The following CNTLN variants were observed in gnomAD, a reference collection of about 807,000 sequenced individuals.
CNTLN encodes centlein.
In CNTLN, 212 loss-of-function variants were observed where a neutral mutation model predicts 180.0. That is an observed-to-expected ratio of 1.18 (90% CI 1.05 to 1.32). The LOEUF is 1.32. Ranked by LOEUF, CNTLN falls within the 40% of genes most tolerant of loss-of-function variation. The probability of loss-of-function intolerance (pLI) is 0.00; values close to 1 mark genes in which losing one functional copy is unlikely to be tolerated. For synonymous variants in CNTLN, 722 were observed against 563.1 expected (o/e 1.28, Z -3.99); for missense variants, 2,095 against 1,610.9 (o/e 1.30, Z -5.14).
rs765758040 is a variant in CNTLN at position 17,135,423 on chromosome 9, C to A, written c.358C>A (p.Gln120Lys). 5 of 1,594,876 alleles carry A rather than the reference C, an allele frequency of 3.1e-6. No individual in the cohort carries two copies. Among genetic ancestry groups the A allele is most frequent in the Non-Finnish European group, 1.7e-6 (2 of 1,172,106 alleles). The change falls in exon 1 of 26, where the codon CAG (glutamine) becomes AAG (lysine). Residue 120 changes from glutamine to lysine, a missense_variant and splice_region_variant. Transcript: ENST00000380647. ...CCTAAAGGAGGAGTTGGCCCTGTGT[C>A]AGGTATCGAGGAGTCTCGCAGTCCC... is the stretch of plus-strand genomic sequence containing the variant. ...SSLKEELALC[Q>K]ADKEFVWSLW...
Position 17,309,246 on chromosome 9 carries a change from A to G in CNTLN, c.1335A>G (p.Ser445=), listed in dbSNP as rs1305990702. The change falls in exon 8 of 26, where the codon TCA becomes TCG. Residue 445 remains serine, a synonymous_variant. Coordinates refer to ENST00000380647, the MANE Select transcript of CNTLN (RefSeq NM_017738.4). ...CTCAAGAAAGTGATCCAGACTACTC[A>G]GCACAGGTGAGAGACATTTTCTAAA... ...PLPQESDPDY[S]AQVPHRPSLS... The G allele has an allele frequency of 1.3e-6, 2 of 1,561,874 alleles. No homozygotes were observed. Among genetic ancestry groups the G allele is most frequent in the African/African-American group, 1.4e-5 (1 of 73,022 alleles).
At chr9:17,522,429 C>G in the CNTLN span, among the ~76,000 whole-genome samples, 2 of 152,202 alleles carry the variant, frequency 1.3e-5, no homozygotes, top group African/African-American at 4.8e-5. Context: ...TCAGGACTTT[C>G]AAACCCTTTA....
At chr9:17,174,567 G>C (rs1489851300) in intron 2 of CNTLN, among the ~76,000 whole-genome samples, 1 of 152,076 alleles carries the variant, frequency 6.6e-6, no homozygotes, top group East Asian at 1.9e-4. Flanking sequence ...GTGGTGGTGG[G>C]TGCCTGTAGT....
At chr9:17,287,890 TTC>T (rs1224994998) in intron 6 of CNTLN, among the ~76,000 whole-genome samples, 1 of 146,548 alleles carries the variant, frequency 6.8e-6, no homozygotes, top group Non-Finnish European at 1.5e-5. Flanking sequence ...TATTTGATTC[TTC>T]TCTCTTTTTT....
chr9:17,328,583 C>A (rs1322498139), intron 8 of CNTLN, among the ~76,000 whole-genome samples: 5 of 152,216 alleles, frequency 3.3e-5, no homozygotes, highest in African/African-American at 1.2e-4. Context: ...TTCTTGTAAA[C>A]ATGTCTGTAA....
intron 2 of CNTLN, among the ~76,000 whole-genome samples, chr9:17,189,711 T>A (rs543950622): frequency 9.2e-5 from 14 of 151,864 alleles, no homozygotes; most frequent in Non-Finnish European, 2.1e-4. Flanking sequence ...GGTCTCGAAC[T>A]CCTAACCGCA....
rs975343767 is a variant in CNTLN, at chr9:17,416,154, G to A, written c.3079G>A (p.Asp1027Asn). 9.9e-6 allele frequency: 16 copies of A among 1,613,286 alleles called. No homozygotes were observed. Among genetic ancestry groups the A allele is most frequent in the South Asian group, 1.1e-5 (1 of 90,942 alleles). The change falls in exon 18 of 26, where the codon GAT (aspartate) becomes AAT (asparagine). Residue 1027 changes from aspartate to asparagine, a missense_variant. Transcript: ENST00000380647. ...EKLLHQQQVS[D>N]QRFQTSRQTI... ...GCTCCTCCATCAACAGCAAGTATCC[G>A]ATCAACGATTTCAGACAAGCAGGCA... is the stretch of plus-strand genomic sequence containing the variant.
chr9:17,299,639 C>G (rs951828333), intron 7 of CNTLN: 17 of 985,380 alleles, frequency 1.7e-5, no homozygotes, highest in Non-Finnish European at 2.0e-5. Context: ...TCCACTTCAG[C>G]TAGAGCAGTG....
chr9:17,340,697 T>C lies in CNTLN; in HGVS notation c.1645-130T>C, dbSNP rs150918461. 4.7e-4 allele frequency: 311 copies of C among 657,608 alleles called. 2 individuals carry two copies. In the African/African-American group the frequency reaches 5.5e-3, roughly 12 times the overall value. The allele number at this position is 657,608 out of a possible 1,614,324, so 40.7% of individuals were successfully genotyped here. ...ATTCTTTTTTCTGCTTAAATACATA[T>C]TACAGATTCATTTATGTTTACACAC... is the stretch of plus-strand genomic sequence containing the variant. On this transcript the variant is annotated intron_variant, in intron 10 of 25. Coordinates refer to ENST00000380647, the MANE Select transcript of CNTLN (RefSeq NM_017738.4).
chr9:17,528,535 C>T, the CNTLN span, among the ~76,000 whole-genome samples: 2 of 152,196 alleles, frequency 1.3e-5, no homozygotes, highest in African/African-American at 4.8e-5. Context: ...ATGACAACTA[C>T]ATGTAATATG....
intron 18 of CNTLN, among the ~76,000 whole-genome samples, chr9:17,435,567 T>A (rs1323701849): frequency 2.0e-5 from 3 of 151,886 alleles, no homozygotes; most frequent in Admixed American, 6.6e-5. Flanking sequence ...CTCTTTTTTT[T>A]TTTTTTCTTT....
the CNTLN span, among the ~76,000 whole-genome samples, chr9:17,526,060 T>A: frequency 4.6e-5 from 7 of 152,200 alleles, no homozygotes; most frequent in East Asian, 1.4e-3. Context: ...CTCAGCCTCC[T>A]GAGTAGCTGA....
intron 1 of CNTLN, among the ~76,000 whole-genome samples, chr9:17,135,797 G>A (rs563148124): frequency 6.6e-6 from 1 of 152,340 alleles, no homozygotes; most frequent in South Asian, 2.1e-4. Flanking sequence ...TAGTTGAAAT[G>A]AACAGGAAAG....
chr9:17,433,537 C>T (rs571966613), intron 18 of CNTLN, among the ~76,000 whole-genome samples: 26 of 152,204 alleles, frequency 1.7e-4, no homozygotes, highest in Middle Eastern at 3.4e-3. Context: ...CCACCCACCT[C>T]GGCCTCCCAA....
chr9:17,375,519 C>T (rs1450719722), intron 13 of CNTLN, among the ~76,000 whole-genome samples: 1 of 152,062 alleles, frequency 6.6e-6, no homozygotes, highest in African/African-American at 2.4e-5. Flanking sequence ...ACTGTGTACC[C>T]ACACACAAAA....
At chr9:17,382,979 C>T (rs926090044) in intron 13 of CNTLN, among the ~76,000 whole-genome samples, 2 of 152,162 alleles carry the variant, frequency 1.3e-5, no homozygotes, top group Non-Finnish European at 2.9e-5. Flanking sequence ...CCAGTGTACA[C>T]AGTACTATAT....
intron 6 of CNTLN, among the ~76,000 whole-genome samples, chr9:17,278,609 C>G (rs34502029): frequency 2.3e-4 from 35 of 151,848 alleles, no homozygotes; most frequent in Non-Finnish European, 4.1e-4. Context: ...TTTTCTTTTA[C>G]TGCATATAGT....
intron 2 of CNTLN, among the ~76,000 whole-genome samples, chr9:17,154,719 A>G (rs993760294): frequency 3.3e-5 from 5 of 152,196 alleles, no homozygotes; most frequent in Admixed American, 2.0e-4. Context: ...AAATGCACCA[A>G]TCAGCACTCT....
intron 2 of CNTLN, among the ~76,000 whole-genome samples, chr9:17,206,327 A>T (rs1270688297): frequency 6.6e-6 from 1 of 152,198 alleles, no homozygotes; most frequent in African/African-American, 2.4e-5. Flanking sequence ...ATGTAGAAAA[A>T]GATCTTAATG....
Sources: gnomAD v4.1 joint callset for allele counts (sites outside exome capture counted in the v4.1 genomes callset) on GRCh38, gnomAD v4.1.1 for gene constraint, MANE v1.5 for transcripts, NCBI Gene and HGNC (gene_info 2026-07-23, HGNC 2026-07-21) for gene names.